ZFPM2: variants seen among roughly 807,000 people sequenced by gnomAD.
ZFPM2 encodes zinc finger protein ZFPM2.
A neutral mutation model predicts 98.6 loss-of-function variants in ZFPM2; 20 were observed. The ratio of observed to expected loss-of-function variants is 0.20; its 90% CI spans 0.14 to 0.29. The LOEUF (loss-of-function observed/expected upper bound fraction) is 0.29, where lower values mean the gene tolerates loss of function less well. ZFPM2 is among the 10% of genes least tolerant of loss of function. The probability of loss-of-function intolerance (pLI) is 1.00; values close to 1 mark genes in which losing one functional copy is unlikely to be tolerated. For missense variants in ZFPM2, 1,310 were observed against 1,388.6 expected (o/e 0.94, Z 0.90); for synonymous variants, 518 against 502.7 (o/e 1.03, Z -0.41).
chr8:105,398,758 G>GTA (rs548364335), intron 1 of ZFPM2, among the ~76,000 whole-genome samples: 11 of 151,986 alleles, frequency 7.2e-5, no homozygotes, highest in South Asian at 4.2e-4. Flanking sequence ...TGTTATATAT[G>GTA]TATATATATA....
chr8:105,548,181 C>T (rs1814757098), intron 3 of ZFPM2, among the ~76,000 whole-genome samples: 1 of 151,992 alleles, frequency 6.6e-6, no homozygotes, highest in South Asian at 2.1e-4. Context: ...GAACTATACA[C>T]TGAGAGGACA....
chr8:105,692,655 A>C (rs555629041), intron 5 of ZFPM2, among the ~76,000 whole-genome samples: 26 of 152,334 alleles, frequency 1.7e-4, no homozygotes, highest in African/African-American at 6.0e-4. Flanking sequence ...TTGCCTTAGA[A>C]ATATGGATGT....
At chr8:105,396,028 A>G (rs1811211766) in intron 1 of ZFPM2, among the ~76,000 whole-genome samples, 2 of 152,134 alleles carry the variant, frequency 1.3e-5, no homozygotes, top group Non-Finnish European at 2.9e-5. Flanking sequence ...TTTTTATTAC[A>G]TTTCCATCAT....
At chr8:105,609,216 AG>A (rs1816256700) in intron 4 of ZFPM2, among the ~76,000 whole-genome samples, 1 of 152,108 alleles carries the variant, frequency 6.6e-6, no homozygotes, top group South Asian at 2.1e-4. Flanking sequence ...ATCTGAAGGA[AG>A]GGATGGGTTC....
chr8:105,338,594 A>G (rs1450169318), intron 1 of ZFPM2, among the ~76,000 whole-genome samples: 1 of 151,910 alleles, frequency 6.6e-6, no homozygotes, highest in Admixed American at 6.6e-5. Flanking sequence ...GTGAACAAAT[A>G]TCTGTCCACA....
At chr8:105,710,715 G>T (rs1433724986) in intron 5 of ZFPM2, among the ~76,000 whole-genome samples, 2 of 149,040 alleles carry the variant, frequency 1.3e-5, no homozygotes, top group Non-Finnish European at 3.0e-5. Context: ...GTGTGTGTGG[G>T]GGGGTGTATG....
chr8:105,799,730 CATG>C (rs1813944587), intron 7 of ZFPM2, among the ~76,000 whole-genome samples: 1 of 152,152 alleles, frequency 6.6e-6, no homozygotes, highest in African/African-American at 2.4e-5. Context: ...TACATTCTTA[CATG>C]GGACAAACTA....
intron 5 of ZFPM2, among the ~76,000 whole-genome samples, chr8:105,643,833 C>T (rs939360420): frequency 3.9e-5 from 6 of 152,116 alleles, no homozygotes; most frequent in African/African-American, 1.2e-4. Context: ...TGGTAGCACA[C>T]GTAATGCTCC....
intron 5 of ZFPM2, among the ~76,000 whole-genome samples, chr8:105,674,166 TTAATTA>T (rs1247561490): frequency 3.3e-5 from 5 of 152,204 alleles, no homozygotes; most frequent in Non-Finnish European, 7.3e-5. Flanking sequence ...CCTGGTTATA[TTAATTA>T]TAATTAGAAT....
intron 5 of ZFPM2, among the ~76,000 whole-genome samples, chr8:105,725,262 C>T (rs1303879884): frequency 6.6e-6 from 1 of 151,764 alleles, no homozygotes; most frequent in Non-Finnish European, 1.5e-5. Context: ...ATGGCTTTTA[C>T]CCACAGTCTG....
chr8:105,567,534 G>A (rs374393522), intron 4 of ZFPM2, among the ~76,000 whole-genome samples: 19 of 151,562 alleles, frequency 1.3e-4, no homozygotes, highest in Non-Finnish European at 2.5e-4. Flanking sequence ...TGCTTACTTC[G>A]CCACAACCTT....
intron 1 of ZFPM2, among the ~76,000 whole-genome samples, chr8:105,359,693 T>C (rs1262784363): frequency 6.6e-5 from 10 of 152,108 alleles, no homozygotes; most frequent in South Asian, 4.2e-4. Flanking sequence ...GGTATTTCTA[T>C]ATAGCAGTAT....
intron 3 of ZFPM2, among the ~76,000 whole-genome samples, chr8:105,490,184 T>A (rs1586410924): frequency 6.6e-6 from 1 of 151,956 alleles, no homozygotes; most frequent in Non-Finnish European, 1.5e-5. Flanking sequence ...GAGGCGGAGG[T>A]TGCAGTGAGC....
intron 1 of ZFPM2, among the ~76,000 whole-genome samples, chr8:105,322,492 C>G (rs1812046480): frequency 6.9e-6 from 1 of 145,892 alleles, no homozygotes; most frequent in South Asian, 2.2e-4. Context: ...ATTATCTGCT[C>G]TCTAGTAGTT....
At chr8:105,763,672 A>C (rs1812787023) in intron 5 of ZFPM2, among the ~76,000 whole-genome samples, 1 of 151,892 alleles carries the variant, frequency 6.6e-6, no homozygotes, top group South Asian at 2.1e-4. Context: ...AGAAGGATTA[A>C]GTAGATTGTC....
At chr8:105,565,696 T>A (rs1815229442) in intron 4 of ZFPM2, among the ~76,000 whole-genome samples, 1 of 152,242 alleles carries the variant, frequency 6.6e-6, no homozygotes, top group East Asian at 1.9e-4. Flanking sequence ...ACATTTCAAC[T>A]ACTTTTACTA....
chr8:105,651,930 A>G (rs1032961499), intron 5 of ZFPM2, among the ~76,000 whole-genome samples: 27 of 152,184 alleles, frequency 1.8e-4, no homozygotes, highest in African/African-American at 6.0e-4. Context: ...GAGATTTTTA[A>G]AATACCAGAG....
rs1198757019 is a variant in ZFPM2, at chr8:105,634,355, A to C, written c.530A>C (p.Lys177Thr). ...AAAAACAACTGCATTGTGTACAGCA[A>C]AGGTAAATGCAAGATTGTTTCCCTC... ...DNKNNCIVYS[K>T]GGQLWCTTTK... The change falls in exon 5 of 8, where the codon AAA becomes ACA. Residue 177 changes from lysine to threonine, a missense_variant and splice_region_variant. By Grantham distance (78) the Lys-to-Thr change is moderately conservative. Transcript: ENST00000407775. 2 of 1,608,884 alleles carry C rather than the reference A, an allele frequency of 1.2e-6. No homozygotes were observed. Among genetic ancestry groups the C allele is most frequent in the South Asian group, 2.2e-5 (2 of 89,884 alleles).
At chr8:105,548,660 A>G (rs1293988260) in intron 3 of ZFPM2, among the ~76,000 whole-genome samples, 1 of 152,160 alleles carries the variant, frequency 6.6e-6, no homozygotes, top group Non-Finnish European at 1.5e-5. Context: ...CTTAAAGGAA[A>G]AAGATGGTGT....
Sources: gnomAD v4.1 joint callset for allele counts (sites outside exome capture counted in the v4.1 genomes callset) on GRCh38, gnomAD v4.1.1 for gene constraint, MANE v1.5 for transcripts, NCBI Gene and HGNC (gene_info 2026-07-23, HGNC 2026-07-21) for gene names.